WDFY3: variants seen among roughly 807,000 people sequenced by gnomAD.
WDFY3 encodes WD repeat and FYVE domain-containing protein 3.
In WDFY3, 66 loss-of-function variants were observed where a neutral mutation model predicts 409.6. The observed-to-expected ratio is 0.16, with a 90% confidence interval of 0.13 to 0.20. The LOEUF is 0.20. WDFY3 is among the 10% of genes least tolerant of loss of function. The probability of loss-of-function intolerance (pLI) is 1.00; values close to 1 mark genes in which losing one functional copy is unlikely to be tolerated. For synonymous variants in WDFY3, 1,521 were observed against 1,537.1 expected (o/e 0.99, Z 0.25); for missense variants, 3,031 against 4,298.1 (o/e 0.71, Z 8.24).
chr4:84,789,627 C>A, intron 22 of WDFY3, 99 bp downstream of exon 22: 12 of 1,158,686 alleles, frequency 1.0e-5, no homozygotes, highest in East Asian at 5.0e-5. Context: ...TAAAAATATC[C>A]CTGTAACACA....
intron 1 of WDFY3, among the ~76,000 whole-genome samples, chr4:84,953,244 A>G (rs965847314): frequency 6.6e-6 from 1 of 152,144 alleles, no homozygotes; most frequent in Non-Finnish European, 1.5e-5. Context: ...AAAAAGGTCA[A>G]ATATTCACAG....
At chr4:84,893,077 AGAG>A (rs1765154485) in intron 3 of WDFY3, among the ~76,000 whole-genome samples, 1 of 152,212 alleles carries the variant, frequency 6.6e-6, no homozygotes, top group Non-Finnish European at 1.5e-5. Flanking sequence ...GAGCAGAATT[AGAG>A]AAGGGGAGAG....
intron 41 of WDFY3, 135 bp from the exon 42 acceptor site, chr4:84,736,462 A>C: frequency 1.3e-6 from 1 of 777,308 alleles, no homozygotes; most frequent in Non-Finnish European, 1.8e-6. Flanking sequence ...CAGATATTAC[A>C]TTCAGATATC....
intron 30 of WDFY3, among the ~76,000 whole-genome samples, chr4:84,768,209 G>A (rs1156325875): frequency 1.3e-5 from 2 of 152,252 alleles, no homozygotes; most frequent in African/African-American, 4.8e-5. Context: ...TGCTGATGTA[G>A]AAGCTGCAGT....
intron 55 of WDFY3, 111 bp downstream of exon 55, chr4:84,704,227 T>A: frequency 2.5e-6 from 2 of 786,486 alleles, no homozygotes; most frequent in African/African-American, 3.6e-5. Context: ...ACTTTGTCAC[T>A]AAAATTTCGC....
At chr4:84,733,990 T>C (rs967699641) in intron 43 of WDFY3, among the ~76,000 whole-genome samples, 2 of 152,142 alleles carry the variant, frequency 1.3e-5, no homozygotes, top group Admixed American at 1.3e-4. Context: ...AACTGTAAAA[T>C]AGCTACCACA....
At chr4:84,943,119 AC>A (rs1440827807) in intron 1 of WDFY3, among the ~76,000 whole-genome samples, 1 of 152,136 alleles carries the variant, frequency 6.6e-6, no homozygotes, top group African/African-American at 2.4e-5. Flanking sequence ...CTTTATGATG[AC>A]CCACTTCCAC....
At chr4:84,741,691 T>G (rs1257666635) in intron 38 of WDFY3, 70 bp downstream of exon 38, 1 of 1,427,926 alleles carries the variant, frequency 7.0e-7, no homozygotes, top group Non-Finnish European at 9.4e-7. Context: ...ATATTTAATT[T>G]CAACAATTTT....
At chr4:84,898,690 T>C (rs868521508) in intron 2 of WDFY3, among the ~76,000 whole-genome samples, 4 of 152,220 alleles carry the variant, frequency 2.6e-5, no homozygotes, top group African/African-American at 7.2e-5. Flanking sequence ...TCATTAGCTA[T>C]TGGTATATCC....
intron 8 of WDFY3, among the ~76,000 whole-genome samples, chr4:84,829,418 T>C (rs1196730975): frequency 6.6e-6 from 1 of 152,200 alleles, no homozygotes; most frequent in Non-Finnish European, 1.5e-5. Context: ...TGAAAAATAG[T>C]TGACATGTAT....
At chr4:84,846,894 T>C (rs1443830791) in intron 5 of WDFY3, among the ~76,000 whole-genome samples, 2 of 152,048 alleles carry the variant, frequency 1.3e-5, no homozygotes, top group East Asian at 3.9e-4. Flanking sequence ...GGCTCAGGAA[T>C]TGGTGGCACA....
chr4:84,780,019 C>T (rs1746230207), intron 26 of WDFY3, 89 bp downstream of exon 26: 2 of 1,351,246 alleles, frequency 1.5e-6, no homozygotes, highest in South Asian at 1.9e-5. Flanking sequence ...TATAATTCTT[C>T]CAGAGTTTCA....
chr4:84,943,610 C>T (rs1772423538), intron 1 of WDFY3, among the ~76,000 whole-genome samples: 1 of 151,924 alleles, frequency 6.6e-6, no homozygotes, highest in Non-Finnish European at 1.5e-5. Flanking sequence ...TTTGGGGAAA[C>T]CAAAAAAGTT....
At position 84,750,200 on chromosome 4, in the gene WDFY3, T is replaced by A. The variant is rs539122843; in HGVS notation, c.5973+1283A>T. 4.3e-4 allele frequency among the ~76,000 whole-genome samples: 65 copies of A among 152,324 alleles called. 2 individuals are homozygous for A. The South Asian group carries it at 0.013, about 31-fold the overall frequency. ...TACAGTAAGATACTGGTCATCTCTC[T>A]TAGAGCTTTTTAAAGTTTCCAAAGG... is the stretch of plus-strand genomic sequence containing the variant. On this transcript the variant is annotated intron_variant, in intron 36 of 67. Coordinates refer to ENST00000295888, the MANE Select transcript of WDFY3 (RefSeq NM_014991.6).
intron 10 of WDFY3, among the ~76,000 whole-genome samples, chr4:84,822,502 T>TAACATAGC (rs1216423408): frequency 5.3e-5 from 8 of 151,938 alleles, no homozygotes; most frequent in Non-Finnish European, 7.4e-5. Context: ...CTAGCCTGGG[T>TAACATAGC]AACATAGCAA....
At chr4:84,782,178 A>C (rs1746642230) in intron 25 of WDFY3, among the ~76,000 whole-genome samples, 1 of 152,212 alleles carries the variant, frequency 6.6e-6, no homozygotes, top group Non-Finnish European at 1.5e-5. Flanking sequence ...CAGTGTTTAT[A>C]CTCAGAAGCT....
intron 3 of WDFY3, among the ~76,000 whole-genome samples, chr4:84,863,513 C>T (rs976482258): frequency 1.3e-5 from 2 of 152,146 alleles, no homozygotes; most frequent in East Asian, 1.9e-4. Context: ...TAGATATTTG[C>T]ATGTCTTTTA....
intron 10 of WDFY3, 78 bp downstream of exon 10, chr4:84,826,737 A>G (rs1754922104): frequency 7.1e-7 from 1 of 1,414,374 alleles, no homozygotes; most frequent in Middle Eastern, 1.9e-4. Flanking sequence ...AGAAACAAAA[A>G]GTAATATACC....
intron 29 of WDFY3, 53 bp downstream of exon 29, chr4:84,774,767 C>A: frequency 6.5e-7 from 1 of 1,538,634 alleles, no homozygotes; most frequent in Non-Finnish European, 8.7e-7. Context: ...CCATCTTAAC[C>A]TCATTGGTAC....
Sources: allele counts gnomAD v4.1 joint callset (sites outside exome capture counted in the v4.1 genomes callset), GRCh38; gene constraint gnomAD v4.1.1; transcripts MANE v1.5; gene names NCBI Gene and HGNC (gene_info 2026-07-23, HGNC 2026-07-21).